DENND2B: variants seen among roughly 807,000 people sequenced by gnomAD.
The protein encoded by DENND2B is DENN domain containing 2B, also known as DENN domain-containing protein 2B.
In DENND2B, 32 loss-of-function variants were observed where a neutral mutation model predicts 116.0. That is an observed-to-expected ratio of 0.28 (90% CI 0.21 to 0.37). The LOEUF is 0.37. Ranked by LOEUF, DENND2B falls within the 10% of genes least tolerant of loss-of-function variation. DENND2B has a pLI of 1.00. For missense variants in DENND2B, 1,276 were observed against 1,477.7 expected (o/e 0.86, Z 2.24); for synonymous variants, 588 against 583.9 (o/e 1.01, Z -0.10).
chr11:8,780,567 G>T (rs888954989), intron 1 of DENND2B, among the ~76,000 whole-genome samples: 24 of 152,220 alleles, frequency 1.6e-4, no homozygotes, highest in Non-Finnish European at 3.1e-4. Flanking sequence ...GTGTTTGTCA[G>T]TCTGATGGGA....
At chr11:8,887,212 C>A (rs775609099) in intron 1 of DENND2B, among the ~76,000 whole-genome samples, 1 of 152,202 alleles carries the variant, frequency 6.6e-6, no homozygotes, top group African/African-American at 2.4e-5. Context: ...AGCTTTCTTA[C>A]ATTTATATAG....
At chr11:8,766,269 C>T (rs1168248430) in intron 1 of DENND2B, among the ~76,000 whole-genome samples, 1 of 152,106 alleles carries the variant, frequency 6.6e-6, no homozygotes, top group Non-Finnish European at 1.5e-5. Context: ...CACACTCAGG[C>T]TTCCCAGAGT....
chr11:8,706,575 A>G (rs1057235024), intron 13 of DENND2B, among the ~76,000 whole-genome samples: 1 of 152,200 alleles, frequency 6.6e-6, no homozygotes, highest in Non-Finnish European at 1.5e-5. Flanking sequence ...ACTTTCTCAG[A>G]GGAGACCTTC....
intron 3 of DENND2B, among the ~76,000 whole-genome samples, chr11:8,851,125 T>G (rs940025995): frequency 6.6e-6 from 1 of 152,152 alleles, no homozygotes; most frequent in Non-Finnish European, 1.5e-5. Flanking sequence ...TCATGGCAAC[T>G]ATAGTTAATA....
chr11:8,706,055 G>A (rs538443508), intron 13 of DENND2B, among the ~76,000 whole-genome samples: 1 of 152,242 alleles, frequency 6.6e-6, no homozygotes, highest in Non-Finnish European at 1.5e-5. Flanking sequence ...GACCAGCCTG[G>A]GCAACAGGGT....
chr11:8,871,941 T>G (rs578128030), upstream of DENND2B, among the ~76,000 whole-genome samples: 1 of 152,212 alleles, frequency 6.6e-6, no homozygotes, highest in Non-Finnish European at 1.5e-5. Context: ...TGTAATCCAT[T>G]TTTTACTCAC....
At chr11:8,746,464 G>A (rs1022104630) in intron 2 of DENND2B, among the ~76,000 whole-genome samples, 8 of 152,244 alleles carry the variant, frequency 5.3e-5, no homozygotes, top group African/African-American at 1.2e-4. Context: ...AGAATGTATC[G>A]GGCCTCCAAA....
At chr11:8,908,208 C>A (rs1366673431) in intron 1 of DENND2B, among the ~76,000 whole-genome samples, 1 of 152,134 alleles carries the variant, frequency 6.6e-6, no homozygotes, top group Non-Finnish European at 1.5e-5. Context: ...TGGAAAAGTA[C>A]ACACAAAAAA....
In DENND2B at chr11:8,715,697, A is replaced by G; in HGVS notation, c.1751T>C (p.Leu584Pro). The change falls in exon 6 of 20, where the codon CTG becomes CCG. Residue 584 changes from leucine (L) to proline (P), a missense_variant. Physicochemically the swap from Leu to Pro is moderately conservative, Grantham distance 98 (BLOSUM62 -3). This residue lies in a region of DENND2B where 856 missense variants were observed against 846.6 expected (regional missense o/e 1.01). Transcript: ENST00000313726. ...GCTGGAGGGTGAGGACGGCAGACTC[A>G]GCTGAGCCAGCAGCAGCATGTCGTC... ...SHDDMLLLAQ[L>P]SLPSSPSSLN... The G allele has an allele frequency of 6.2e-7, 1 of 1,614,218 alleles. No individual in the cohort carries two copies. The highest frequency in any genetic ancestry group is 2.2e-5 in the East Asian group (1 of 44,888).
At chr11:8,811,304 T>C (rs986410232), upstream of DENND2B, 3 of 398,478 alleles carry the variant, frequency 7.5e-6, no homozygotes, top group African/African-American at 2.1e-5. Flanking sequence ...CTCATGGTAC[T>C]AGTGGTGGCG....
rs2044381773 is a variant in DENND2B at position 8,714,640 on chromosome 11, T to A, written c.1912A>T (p.Met638Leu). The A allele has an allele frequency of 6.2e-7, 1 of 1,614,184 alleles. No homozygotes were observed. The highest frequency in any genetic ancestry group is 1.1e-5 in the South Asian group (1 of 91,078). ...AGTGATGCTGTTTCAATGCTGGACA[T>A]AGACAACTTTTTTAATCTCTTCTTT... ...RGKKRLKKLSMSSIETASLRD... is the reference protein window; with the variant it reads ...RGKKRLKKLSLSSIETASLRD... The change falls in exon 7 of 20, where the codon ATG becomes TTG. Residue 638 changes from methionine to leucine, a missense_variant. This residue lies in a region of DENND2B where 856 missense variants were observed against 846.6 expected (regional missense o/e 1.01). Transcript: ENST00000313726.
At chr11:8,792,482 CA>C (rs1055435274) in intron 1 of DENND2B, among the ~76,000 whole-genome samples, 2 of 151,710 alleles carry the variant, frequency 1.3e-5, no homozygotes, top group African/African-American at 2.4e-5. Flanking sequence ...TTAGCATAAA[CA>C]AAGTCAAAAA....
At chr11:8,761,019 C>T (rs1262778582) in intron 1 of DENND2B, among the ~76,000 whole-genome samples, 1 of 138,270 alleles carries the variant, frequency 7.2e-6, no homozygotes, top group Non-Finnish European at 1.7e-5. Context: ...CTTCCCAACC[C>T]TCCTCCTCAA....
chr11:8,805,782 A>C (rs2060784618), intron 1 of DENND2B, among the ~76,000 whole-genome samples: 1 of 152,186 alleles, frequency 6.6e-6, no homozygotes, highest in Admixed American at 6.5e-5. Flanking sequence ...CGTCTATTAT[A>C]ACATGACATA....
intron 1 of DENND2B, chr11:8,787,387 G>C (rs1349861923): frequency 1.3e-5 from 2 of 152,078 alleles, no homozygotes; most frequent in Middle Eastern, 3.2e-3. Flanking sequence ...TCCCAGCCTA[G>C]GCTGGACTTG....
chr11:8,876,878 CAAA>C (rs34676489), intron 2 of DENND2B, among the ~76,000 whole-genome samples: 10 of 122,696 alleles, frequency 8.2e-5, no homozygotes, highest in Admixed American at 8.4e-5. Flanking sequence ...GATTCCGTCT[CAAA>C]AAAAAAAAAA....
At chr11:8,792,750 G>A (rs139458460) in intron 1 of DENND2B, among the ~76,000 whole-genome samples, 1,912 of 152,276 alleles carry the variant, frequency 0.013, 20 homozygotes, top group Middle Eastern at 0.044. Context: ...TCAGATTGGC[G>A]AAGAGTAAAA....
At chr11:8,852,226 A>T (rs924915984) in intron 3 of DENND2B, among the ~76,000 whole-genome samples, 1 of 152,208 alleles carries the variant, frequency 6.6e-6, no homozygotes, top group African/African-American at 2.4e-5. Flanking sequence ...CAAGTGGAGG[A>T]CTGAAGTAAA....
intron 4 of DENND2B, among the ~76,000 whole-genome samples, chr11:8,818,253 ACT>A (rs1240285275): frequency 2.1e-5 from 3 of 143,470 alleles, no homozygotes; most frequent in East Asian, 4.4e-4. Flanking sequence ...ACACAGTGAG[ACT>A]CTGTCTCTAA....
Sources: allele counts gnomAD v4.1 joint callset (sites outside exome capture counted in the v4.1 genomes callset), GRCh38; gene constraint gnomAD v4.1.1; regional missense constraint gnomAD v4.1.1; transcripts MANE v1.5; gene names NCBI Gene and HGNC (gene_info 2026-07-23, HGNC 2026-07-21).